Variants in RGS6 observed in about 807,000 individuals in gnomAD.
The protein encoded by RGS6 is regulator of G protein signaling 6.
RGS6 carries 30 observed loss-of-function variants against 78.5 expected under a neutral mutation model. That is an observed-to-expected ratio of 0.38 (90% CI 0.29 to 0.52). RGS6 has a LOEUF of 0.52. RGS6 is among the 20% of genes least tolerant of loss of function. RGS6 has a pLI of 0.85. For missense variants in RGS6, 495 were observed against 609.7 expected, an observed-to-expected ratio of 0.81 and a Z score of 1.98; for synonymous variants, 206 against 206.0, an observed-to-expected ratio of 1.00 and a Z score of 0.00.
chr14:71,935,561 T>C (rs1221610707), intron 1 of RGS6, among the ~76,000 whole-genome samples: 1 of 152,214 alleles, frequency 6.6e-6, no homozygotes, highest in Non-Finnish European at 1.5e-5. Flanking sequence ...AGGTTCTTTC[T>C]TTTTCTGTTC....
chr14:72,151,199 G>A (rs2096681067), intron 2 of RGS6, among the ~76,000 whole-genome samples: 1 of 152,164 alleles, frequency 6.6e-6, no homozygotes, highest in Non-Finnish European at 1.5e-5. Flanking sequence ...TGTGCTGAAG[G>A]AGGAAACCTG....
intron 2 of RGS6, among the ~76,000 whole-genome samples, chr14:71,969,048 C>T (rs907413754): frequency 6.6e-6 from 1 of 152,164 alleles, no homozygotes; most frequent in Admixed American, 6.5e-5. Context: ...TTGTTCAATT[C>T]CCACCTGTGA....
intron 2 of RGS6, among the ~76,000 whole-genome samples, chr14:72,326,776 C>T (rs1291741223): frequency 6.6e-5 from 10 of 152,162 alleles, no homozygotes; most frequent in South Asian, 2.1e-4. Flanking sequence ...GATCTTGGTT[C>T]GGCTCACTGC....
downstream of RGS6, among the ~76,000 whole-genome samples, chr14:72,568,601 G>C (rs2097716760): frequency 6.6e-6 from 1 of 152,206 alleles, no homozygotes; most frequent in African/African-American, 2.4e-5. Flanking sequence ...CAATAACCCT[G>C]CATTAGGCCT....
chr14:72,236,642 C>T (rs2051120974), intron 2 of RGS6, among the ~76,000 whole-genome samples: 1 of 152,220 alleles, frequency 6.6e-6, no homozygotes, highest in African/African-American at 2.4e-5. Context: ...TGCACAGCGG[C>T]CGGGCAGAGG....
the RGS6 span, among the ~76,000 whole-genome samples, chr14:71,878,684 C>A: frequency 6.6e-6 from 1 of 152,174 alleles, no homozygotes; most frequent in Admixed American, 6.5e-5. Flanking sequence ...AGGCTGCACC[C>A]ACTGTCCTGC....
chr14:72,279,175 A>G (rs1409536019), intron 2 of RGS6, among the ~76,000 whole-genome samples: 1 of 151,946 alleles, frequency 6.6e-6, no homozygotes, highest in African/African-American at 2.4e-5. Context: ...AACAGGAAAA[A>G]GCTGGAACCT....
chr14:72,052,975 TTCTTTCTTTCTCTCTCTCTCTCTC>T (rs2093364201), intron 2 of RGS6, among the ~76,000 whole-genome samples: 1 of 51,362 alleles, frequency 1.9e-5, no homozygotes, highest in Non-Finnish European at 3.2e-5. Flanking sequence ...CTTTCTTTCT[TTCTTTCTTTCTCTCTCTCTCTCTC>T]TCTCTCTTTC....
intron 2 of RGS6, among the ~76,000 whole-genome samples, chr14:72,246,977 T>C (rs2054383372): frequency 6.6e-6 from 1 of 151,680 alleles, no homozygotes. Context: ...TGATCCTCTC[T>C]GGCTGTCAGA....
the RGS6 span, among the ~76,000 whole-genome samples, chr14:72,575,248 A>G: frequency 1.3e-5 from 2 of 152,094 alleles, no homozygotes; most frequent in African/African-American, 4.8e-5. Context: ...GGAGAGGCAT[A>G]CAAGGGTCAT....
the RGS6 span, among the ~76,000 whole-genome samples, chr14:72,574,029 T>A: frequency 6.6e-6 from 1 of 152,194 alleles, no homozygotes; most frequent in Non-Finnish European, 1.5e-5. Flanking sequence ...GATCTTCCTC[T>A]CGCTCTACTG....
the RGS6 span, among the ~76,000 whole-genome samples, chr14:71,880,535 C>A: frequency 6.6e-6 from 1 of 152,188 alleles, no homozygotes; most frequent in Middle Eastern, 3.2e-3. Flanking sequence ...TTGCCTCAGC[C>A]ACTCCAACTG....
intron 2 of RGS6, among the ~76,000 whole-genome samples, chr14:72,173,482 G>A (rs149660): frequency 0.19 from 29,060 of 152,104 alleles, 3,060 homozygotes; most frequent in East Asian, 0.34. Context: ...CCATGCTCAC[G>A]GCAGGATCAG....
At chr14:71,930,389 A>G (rs1037775827), upstream of RGS6, among the ~76,000 whole-genome samples, 4 of 152,156 alleles carry the variant, frequency 2.6e-5, no homozygotes, top group African/African-American at 9.7e-5. Context: ...TCCTGTCTCT[A>G]TTACATACAT....
rs2097708107 is a variant in RGS6 at position 72,565,928 on chromosome 14, T to C, written c.*3461T>C. On this transcript the variant is annotated 3_prime_UTR_variant, in exon 18 of 18. Transcript: ENST00000553525. ...CCCTGCAGAATGTATTGGAGGGAGGTGTTGCTGCAAGGTCCAGGAGCTGGG... is the reference window on the plus strand; with the variant it reads ...CCCTGCAGAATGTATTGGAGGGAGGCGTTGCTGCAAGGTCCAGGAGCTGGG... The C allele has an allele frequency of 6.6e-6, 1 of 151,622 alleles. No homozygotes were observed. The highest frequency in any genetic ancestry group is 2.1e-4 in the South Asian group (1 of 4,778). 9.4% of individuals were successfully genotyped at this position (151,622 alleles called of 1,614,324 possible).
At chr14:72,133,053 A>G (rs1348567791) in intron 2 of RGS6, among the ~76,000 whole-genome samples, 1 of 152,176 alleles carries the variant, frequency 6.6e-6, no homozygotes, top group Non-Finnish European at 1.5e-5. Flanking sequence ...TTCCTCCAAG[A>G]AGAAGGAAAC....
intron 2 of RGS6, among the ~76,000 whole-genome samples, chr14:72,124,745 C>T (rs2096145692): frequency 6.6e-6 from 1 of 152,124 alleles, no homozygotes; most frequent in Non-Finnish European, 1.5e-5. Context: ...ATAACTTTCA[C>T]TATAGAAAGA....
At chr14:72,100,502 CA>C (rs1377336820) in intron 2 of RGS6, among the ~76,000 whole-genome samples, 3 of 151,604 alleles carry the variant, frequency 2.0e-5, no homozygotes, top group Non-Finnish European at 2.9e-5. Flanking sequence ...AAAACAAAAC[CA>C]AAAAAAGGTA....
At position 72,293,102 on chromosome 14, in the gene RGS6, CTAGT is replaced by C. The variant is rs373643321; in HGVS notation, c.85-58987_85-58984del. Among the ~76,000 whole-genome samples, 100 of 152,328 alleles carry C rather than the reference CTAGT, an allele frequency of 6.6e-4. 1 individual carries two copies. The East Asian group carries it at 0.017, about 25-fold the overall frequency. ...AAAAAAGCCAAAACATCACTCTGTG[CTAGT>C]TAGTTTCTTTGACCCCTCTTAAAGA... is the stretch of plus-strand genomic sequence containing the variant. On this transcript the variant is annotated intron_variant, in intron 2 of 17. Transcript: ENST00000553525.
Sources: allele counts gnomAD v4.1 joint callset (sites outside exome capture counted in the v4.1 genomes callset), GRCh38; gene constraint gnomAD v4.1.1; transcripts MANE v1.5; gene names NCBI Gene and HGNC (gene_info 2026-07-23, HGNC 2026-07-21).